The following ERG variants were observed in gnomAD, a reference collection of about 807,000 sequenced individuals.
The protein encoded by ERG is ETS transcription factor ERG.
A neutral mutation model predicts 55.3 loss-of-function variants in ERG; 9 were observed. That is an observed-to-expected ratio of 0.16 (90% CI 0.10 to 0.28). The LOEUF (loss-of-function observed/expected upper bound fraction) is 0.28. Among genes scored for constraint, ERG ranks in the 10% least tolerant of loss-of-function variants. The pLI is 1.00. For missense variants in ERG, 434 were observed against 631.6 expected (o/e 0.69, Z 3.35); for synonymous variants, 223 against 237.3 (o/e 0.94, Z 0.55).
At chr21:38,624,939 C>T (rs1183641143) in intron 1 of ERG, among the ~76,000 whole-genome samples, 1 of 152,056 alleles carries the variant, frequency 6.6e-6, no homozygotes, top group African/African-American at 2.4e-5. Flanking sequence ...TAACCTGGCA[C>T]ATAGAAAATT....
chr21:38,448,281 CT>C (rs1316402961), intron 1 of ERG, among the ~76,000 whole-genome samples: 4 of 152,074 alleles, frequency 2.6e-5, no homozygotes, highest in Non-Finnish European at 5.9e-5. Context: ...GGCATGCCTC[CT>C]TTTTTTGCAT....
At chr21:38,376,217 A>T (rs141960072), downstream of ERG, among the ~76,000 whole-genome samples, 178 of 152,366 alleles carry the variant, frequency 1.2e-3, 1 homozygote, top group Non-Finnish European at 2.1e-3. Context: ...ACAGAGGCAC[A>T]GACAGGCCCA....
intron 2 of ERG, among the ~76,000 whole-genome samples, chr21:38,538,084 C>T (rs1355307180): frequency 2.6e-5 from 4 of 152,138 alleles, no homozygotes; most frequent in African/African-American, 4.8e-5. Context: ...AGGACAAATG[C>T]TGTACGATTC....
intron 1 of ERG, among the ~76,000 whole-genome samples, chr21:38,599,851 A>C (rs1249804340): frequency 6.6e-6 from 1 of 152,244 alleles, no homozygotes; most frequent in Non-Finnish European, 1.5e-5. Flanking sequence ...AGTTGCACCT[A>C]CATCATAACC....
upstream of ERG, among the ~76,000 whole-genome samples, chr21:38,589,168 T>A (rs139926337): frequency 3.9e-3 from 601 of 152,280 alleles, 3 homozygotes; most frequent in Middle Eastern, 6.8e-3. Context: ...AACTGGCTAC[T>A]GTGAAGAAAG....
chr21:38,642,729 C>T lies in ERG; in HGVS notation c.-150+18929G>A, dbSNP rs189580652. On this transcript the variant is annotated intron_variant, in intron 1 of 10. Coordinates refer to the ERG transcript ENST00000398910. ...CCAAGTCACCAGCACCACTCCTGAT[C>T]CCCCAGATTCCAGCCCAGGTAAACC... Among the ~76,000 whole-genome samples the T allele has an allele frequency of 1.8e-3, 267 of 152,332 alleles. 2 individuals are homozygous for T. Among genetic ancestry groups the T allele is most frequent in the African/African-American group, 5.8e-3 (240 of 41,570 alleles).
At chr21:38,482,970 C>T (rs997085885) in intron 1 of ERG, among the ~76,000 whole-genome samples, 1 of 152,178 alleles carries the variant, frequency 6.6e-6, no homozygotes, top group Non-Finnish European at 1.5e-5. Context: ...AGCCACCATG[C>T]CCGGCCCATT....
At chr21:38,534,426 T>C (rs913934488) in intron 2 of ERG, among the ~76,000 whole-genome samples, 10 of 152,172 alleles carry the variant, frequency 6.6e-5, no homozygotes, top group Non-Finnish European at 1.5e-4. Flanking sequence ...TAGTCTGCTT[T>C]GAAGAATTAT....
intron 2 of ERG, among the ~76,000 whole-genome samples, chr21:38,543,410 C>T (rs2059767337): frequency 6.6e-6 from 1 of 150,782 alleles, no homozygotes; most frequent in African/African-American, 2.4e-5. Context: ...GTTATTTCCA[C>T]ATAGAGCTAT....
intron 1 of ERG, among the ~76,000 whole-genome samples, chr21:38,644,521 G>T (rs893873773): frequency 6.6e-6 from 1 of 152,080 alleles, no homozygotes; most frequent in African/African-American, 2.4e-5. Flanking sequence ...GGAGATCAAC[G>T]TATAACACAG....
chr21:38,625,410 A>G (rs2060318379), intron 1 of ERG, among the ~76,000 whole-genome samples: 2 of 152,140 alleles, frequency 1.3e-5, no homozygotes, highest in African/African-American at 2.4e-5. Context: ...CAGGTTTGTT[A>G]AACAGGTATT....
chr21:38,582,709 A>G lies in ERG; in HGVS notation c.-127+2135T>C, dbSNP rs73429453. ...AATCATTATAATTAAGAAAGTAAAA[A>G]TATTTCAAATGGACGATTTTGATAC... On this transcript the variant is annotated intron_variant, in intron 1 of 8. Transcript: ENST00000398897. Among the ~76,000 whole-genome samples, 929 of 152,346 alleles carry G rather than the reference A, an allele frequency of 6.1e-3. 10 individuals carry two copies. Among genetic ancestry groups the G allele is most frequent in the African/African-American group, 0.021 (877 of 41,574 alleles).
At chr21:38,469,913 C>T (rs2059124955) in intron 1 of ERG, among the ~76,000 whole-genome samples, 1 of 152,146 alleles carries the variant, frequency 6.6e-6, no homozygotes, top group African/African-American at 2.4e-5. Flanking sequence ...ACAACGATTT[C>T]CCCAGCAATT....
chr21:38,449,067 C>G (rs2058917764), intron 1 of ERG: 1 of 152,196 alleles, frequency 6.6e-6, no homozygotes, highest in Non-Finnish European at 1.5e-5. Flanking sequence ...CCTTAGTTAG[C>G]ATGTATAGAT....
chr21:38,383,584 G>C lies in ERG; in HGVS notation c.1259C>G (p.Ser420Cys). Residue 420 changes from serine to cysteine, a missense_variant, in exon 10 of 10, where the codon TCC becomes TGC. By Grantham distance (112) the Ser-to-Cys change is moderately radical. Transcript: ENST00000288319. This position sits in a 1 kb window ranked among gnomAD's most constrained non-coding sequence, Gnocchi z 5.7. ...KYPSDLPYMG[S>C]YHAHPQKMNF... ...CATCTTCTGTGGGTGGGCGTGATAG[G>C]AGCCCATGTACGGGAGGTCTGAGGG... 1 of 1,607,710 alleles carries C rather than the reference G, an allele frequency of 6.2e-7. No individual in the cohort carries two copies. The highest frequency in any genetic ancestry group is 2.2e-5 in the East Asian group (1 of 44,662).
chr21:38,567,818 G>A (rs187505725), intron 2 of ERG, among the ~76,000 whole-genome samples: 4 of 152,250 alleles, frequency 2.6e-5, no homozygotes, highest in Admixed American at 2.0e-4. Flanking sequence ...GGCAGATTCG[G>A]GCGCTTTCTG....
At chr21:38,427,059 A>G (rs1304717808) in intron 2 of ERG, among the ~76,000 whole-genome samples, 1 of 152,218 alleles carries the variant, frequency 6.6e-6, no homozygotes, top group Non-Finnish European at 1.5e-5. Flanking sequence ...CTCTAGGCAT[A>G]GATCACAAGA....
In ERG at chr21:38,445,592, C is replaced by T; in HGVS notation, c.48G>A (p.Gln16=). 1 of 1,614,164 alleles carries T rather than the reference C, an allele frequency of 6.2e-7. No homozygotes were observed. The highest frequency in any genetic ancestry group is 8.5e-7 in the Non-Finnish European group (1 of 1,180,040). The part of the protein sequence containing the change: ...KEALSVVSED[Q]SLFECAYGTP... The stretch of plus-strand genomic sequence containing the variant: ...TTCCGTAGGCACACTCAAACAACGA[C>T]TGGTCCTCACTCACAACTGATAAGG... Residue 16 remains glutamine (Q), a synonymous_variant, in exon 2 of 10, where the codon CAG becomes CAA. Transcript: ENST00000288319.
At chr21:38,397,598 A>G (rs938305020) in intron 6 of ERG, among the ~76,000 whole-genome samples, 14 of 53,222 alleles carry the variant, frequency 2.6e-4, no homozygotes, top group African/African-American at 3.9e-4. Flanking sequence ...CTCCATCTCA[A>G]AAAAAAAAAA....
Sources: allele counts gnomAD v4.1 joint callset (sites outside exome capture counted in the v4.1 genomes callset), GRCh38; gene constraint gnomAD v4.1.1; non-coding constraint Gnocchi (gnomAD v3.1); transcripts MANE v1.5; gene names NCBI Gene and HGNC (gene_info 2026-07-23, HGNC 2026-07-21).